The following RCAN2 variants were observed in gnomAD, a reference collection of about 807,000 sequenced individuals.
RCAN2 encodes the protein regulator of calcineurin 2.
Under a neutral mutation model 23.6 loss-of-function variants are expected in RCAN2, and 9 were observed. The observed-to-expected ratio is 0.38, with a 90% confidence interval of 0.23 to 0.67. RCAN2 has a LOEUF of 0.67. RCAN2 is among the 30% of genes least tolerant of loss of function. The pLI, the probability that RCAN2 is intolerant of heterozygous loss-of-function variation, is 0.51. For missense variants in RCAN2, 273 were observed against 302.3 expected (o/e 0.90, Z 0.72); for synonymous variants, 109 against 115.7 (o/e 0.94, Z 0.37).
intron 2 of RCAN2, among the ~76,000 whole-genome samples, chr6:46,361,753 G>A (rs1183962346): frequency 6.6e-6 from 1 of 152,160 alleles, no homozygotes; most frequent in South Asian, 2.1e-4. Context: ...GGTAGGAGAG[G>A]TTGTTTGCTA....
chr6:46,406,333 G>C (rs1330367491), intron 2 of RCAN2, among the ~76,000 whole-genome samples: 2 of 152,192 alleles, frequency 1.3e-5, no homozygotes, highest in African/African-American at 4.8e-5. Flanking sequence ...CCTCTCAAAA[G>C]GGTCTCCATG....
At chr6:46,243,809 C>CAAAAAAAAAAAAAAA (rs376524527) in intron 4 of RCAN2, among the ~76,000 whole-genome samples, 1 of 55,030 alleles carries the variant, frequency 1.8e-5, no homozygotes, top group Non-Finnish European at 3.0e-5. Flanking sequence ...GATTCTGTCT[C>CAAAAAAAAAAAAAAA]AAAAAAAAAA....
chr6:46,269,485 T>G (rs1283846353), intron 2 of RCAN2, among the ~76,000 whole-genome samples: 1 of 152,262 alleles, frequency 6.6e-6, no homozygotes, highest in Admixed American at 6.5e-5. Context: ...GTCTACTTTC[T>G]GCATAGCTCT....
intron 2 of RCAN2, among the ~76,000 whole-genome samples, chr6:46,446,990 A>G (rs1767732161): frequency 6.6e-6 from 1 of 152,088 alleles, no homozygotes. Context: ...CTTACCTATC[A>G]ATTAATTCTT....
rs544519385 is a variant in RCAN2, at chr6:46,351,278, A to G, written c.226-102382T>C. On this transcript the variant is annotated intron_variant, in intron 2 of 4. Transcript: ENST00000371374. ...TCCTTCCAGCATTTGACACTTCACA[A>G]CCAAGGCTTCCTGTTCCCTTTTAGG... Among the ~76,000 whole-genome samples, 30 of 152,276 alleles carry G rather than the reference A, an allele frequency of 2.0e-4. No homozygotes were observed. The South Asian group carries it at 5.6e-3, about 28-fold the overall frequency.
At chr6:46,292,426 G>GTTTTTT (rs1302472017) in intron 2 of RCAN2, among the ~76,000 whole-genome samples, 1 of 22,034 alleles carries the variant, frequency 4.5e-5, no homozygotes, top group African/African-American at 1.5e-4. Context: ...TTGATTTGTT[G>GTTTTTT]TTTTTTTTTT....
intron 2 of RCAN2, among the ~76,000 whole-genome samples, chr6:46,259,038 T>G (rs536091235): frequency 7.2e-5 from 11 of 152,132 alleles, no homozygotes; most frequent in Admixed American, 5.9e-4. Flanking sequence ...TATAAAAAAT[T>G]AGCCTGGCAC....
intron 4 of RCAN2, among the ~76,000 whole-genome samples, chr6:46,232,790 CAAAAAA>C (rs35457944): frequency 2.2e-5 from 2 of 89,210 alleles, no homozygotes; most frequent in Non-Finnish European, 4.1e-5. Context: ...AAGACTGTCT[CAAAAAA>C]AAAAAAAAAA....
chr6:46,471,614 T>C (rs1215878987), intron 1 of RCAN2, among the ~76,000 whole-genome samples: 1 of 152,180 alleles, frequency 6.6e-6, no homozygotes, highest in Non-Finnish European at 1.5e-5. Context: ...TAAAGAATGC[T>C]ATTATTCATC....
chr6:46,320,253 A>G (rs2150361612), intron 2 of RCAN2, among the ~76,000 whole-genome samples: 1 of 152,346 alleles, frequency 6.6e-6, no homozygotes, highest in East Asian at 1.9e-4. Context: ...AGCTTTCTTG[A>G]CCAACACCCA....
chr6:46,374,650 A>C (rs1474421843), intron 2 of RCAN2, among the ~76,000 whole-genome samples: 1 of 152,222 alleles, frequency 6.6e-6, no homozygotes, highest in Non-Finnish European at 1.5e-5. Flanking sequence ...TTTGACAATG[A>C]AAATAAACAA....
intron 2 of RCAN2, among the ~76,000 whole-genome samples, chr6:46,426,530 C>T (rs1435893836): frequency 6.6e-6 from 1 of 152,130 alleles, no homozygotes; most frequent in Admixed American, 6.5e-5. Flanking sequence ...GGCAGCTGAA[C>T]ACTGTATTCC....
At chr6:46,349,368 G>A (rs1764579571) in intron 2 of RCAN2, among the ~76,000 whole-genome samples, 1 of 152,094 alleles carries the variant, frequency 6.6e-6, no homozygotes, top group South Asian at 2.1e-4. Context: ...AGAACACATG[G>A]ACACAGAGAG....
intron 2 of RCAN2, among the ~76,000 whole-genome samples, chr6:46,249,968 A>T (rs1000289584): frequency 6.6e-6 from 1 of 152,240 alleles, no homozygotes; most frequent in Non-Finnish European, 1.5e-5. Flanking sequence ...TTTTATTCCT[A>T]CAGCATAACC....
chr6:46,393,248 G>T (rs908444627), intron 2 of RCAN2, among the ~76,000 whole-genome samples: 2 of 151,992 alleles, frequency 1.3e-5, no homozygotes, highest in Non-Finnish European at 2.9e-5. Context: ...TTTTGGGGTT[G>T]GTGTCTATGC....
chr6:46,469,320 C>A (rs1320397156), intron 1 of RCAN2, among the ~76,000 whole-genome samples: 9 of 152,196 alleles, frequency 5.9e-5, no homozygotes, highest in African/African-American at 2.2e-4. Context: ...GACCCAGATT[C>A]TAGCCTAGAA....
At chr6:46,385,949 A>G (rs977195674) in intron 2 of RCAN2, among the ~76,000 whole-genome samples, 2 of 151,976 alleles carry the variant, frequency 1.3e-5, no homozygotes, top group Non-Finnish European at 2.9e-5. Context: ...ACCATTCAGG[A>G]CATAGGCATG....
chr6:46,444,406 T>C (rs1767640305), intron 2 of RCAN2, among the ~76,000 whole-genome samples: 1 of 152,190 alleles, frequency 6.6e-6, no homozygotes, highest in Non-Finnish European at 1.5e-5. Context: ...ACAGACAGTA[T>C]CTATACACAA....
At chr6:46,421,211 T>A (rs1766880935) in intron 2 of RCAN2, among the ~76,000 whole-genome samples, 1 of 152,102 alleles carries the variant, frequency 6.6e-6, no homozygotes, top group African/African-American at 2.4e-5. Context: ...GGCAATGATG[T>A]ACAAAACAGA....
Sources: gnomAD v4.1 joint callset for allele counts (sites outside exome capture counted in the v4.1 genomes callset) on GRCh38, gnomAD v4.1.1 for gene constraint, MANE v1.5 for transcripts, NCBI Gene and HGNC (gene_info 2026-07-23, HGNC 2026-07-21) for gene names.